CACNA2D1: variants seen among roughly 807,000 people sequenced by gnomAD.
The protein encoded by CACNA2D1 is voltage-dependent calcium channel subunit alpha-2/delta-1.
A neutral mutation model predicts 171.5 loss-of-function variants in CACNA2D1; 53 were observed. That is an observed-to-expected ratio of 0.31 (90% CI 0.25 to 0.39). CACNA2D1 has a LOEUF of 0.39. CACNA2D1 is among the 10% of genes least tolerant of loss of function. The pLI, the probability that CACNA2D1 is intolerant of heterozygous loss-of-function variation, is 1.00. For synonymous variants in CACNA2D1, 442 were observed against 443.1 expected (o/e 1.00, Z 0.03); for missense variants, 903 against 1,299.8 (o/e 0.69, Z 4.69).
chr7:82,169,962 A>G (rs1262268208), intron 4 of CACNA2D1, among the ~76,000 whole-genome samples: 1 of 151,844 alleles, frequency 6.6e-6, no homozygotes, highest in African/African-American at 2.4e-5. Context: ...AGTAACTCTT[A>G]GTTCATAAAA....
rs1410254573 is a variant in CACNA2D1, at chr7:82,215,452, A to C, written c.295-44843T>G. Reference sequence around the variant, plus strand: ...TTTCAGTAACAGTATCAGAAACATAATAGCAAGCAAGAAATCTTGTAATTT... The same window carrying C: ...TTTCAGTAACAGTATCAGAAACATACTAGCAAGCAAGAAATCTTGTAATTT... On this transcript the variant is annotated intron_variant, in intron 3 of 38. Transcript: ENST00000356860. Among the ~76,000 whole-genome samples the C allele has an allele frequency of 2.6e-5, 4 of 152,308 alleles. No individual in the cohort carries two copies. The East Asian group carries it at 7.7e-4, about 29-fold the overall frequency.
At chr7:82,108,080 A>C (rs567854518) in intron 6 of CACNA2D1, among the ~76,000 whole-genome samples, 2 of 152,188 alleles carry the variant, frequency 1.3e-5, no homozygotes, top group Non-Finnish European at 2.9e-5. Flanking sequence ...ATTCATACAG[A>C]AAGCAAAGTG....
chr7:82,202,600 G>T (rs1799566378), intron 3 of CACNA2D1, among the ~76,000 whole-genome samples: 1 of 152,154 alleles, frequency 6.6e-6, no homozygotes, highest in Non-Finnish European at 1.5e-5. Context: ...GTGCATTTTT[G>T]ACCGCGGTAC....
intron 24 of CACNA2D1, among the ~76,000 whole-genome samples, chr7:81,980,172 C>CAAAAAAA (rs35616922): frequency 0.018 from 450 of 25,296 alleles, 18 homozygotes; most frequent in East Asian, 0.05. Flanking sequence ...TAAAACCAAG[C>CAAAAAAA]AAAAAAAAAA....
At chr7:82,217,349 TA>T (rs139578464) in intron 3 of CACNA2D1, among the ~76,000 whole-genome samples, 38,100 of 122,412 alleles carry the variant, frequency 0.31, 6,121 homozygotes, top group East Asian at 0.51. Flanking sequence ...CCTGCCTTTT[TA>T]AAAAAAAAAT....
chr7:82,045,146 T>C (rs1038675389), intron 10 of CACNA2D1, among the ~76,000 whole-genome samples: 9 of 152,168 alleles, frequency 5.9e-5, no homozygotes, highest in African/African-American at 2.2e-4. Flanking sequence ...CTAGGTTATC[T>C]GTTACCAAAT....
At chr7:82,155,311 A>T (rs1469786634) in intron 4 of CACNA2D1, among the ~76,000 whole-genome samples, 1 of 152,172 alleles carries the variant, frequency 6.6e-6, no homozygotes, top group East Asian at 1.9e-4. Context: ...CACAAATATT[A>T]AAAAGATATA....
chr7:82,270,508 G>T (rs1808481551), intron 3 of CACNA2D1, among the ~76,000 whole-genome samples: 1 of 152,004 alleles, frequency 6.6e-6, no homozygotes, highest in African/African-American at 2.4e-5. Context: ...AGGACATTTG[G>T]GTTGTTTCCA....
At chr7:81,963,834 C>A (rs1001192548) in intron 34 of CACNA2D1, among the ~76,000 whole-genome samples, 2 of 151,936 alleles carry the variant, frequency 1.3e-5, no homozygotes, top group Non-Finnish European at 2.9e-5. Flanking sequence ...AAGTTTACAT[C>A]CGCATAACAT....
At chr7:82,085,329 C>T (rs534578412) in intron 6 of CACNA2D1, among the ~76,000 whole-genome samples, 22 of 152,074 alleles carry the variant, frequency 1.4e-4, no homozygotes, top group East Asian at 3.9e-4. Flanking sequence ...ATGGCCCCTG[C>T]GGGCAAAATC....
At chr7:82,267,959 T>G (rs1808120067) in intron 3 of CACNA2D1, among the ~76,000 whole-genome samples, 1 of 152,104 alleles carries the variant, frequency 6.6e-6, no homozygotes, top group Non-Finnish European at 1.5e-5. Context: ...ATCGCACCAT[T>G]GCACTCCAGC....
chr7:82,222,082 A>G (rs1801835461), intron 3 of CACNA2D1, among the ~76,000 whole-genome samples: 1 of 152,228 alleles, frequency 6.6e-6, no homozygotes, highest in East Asian at 1.9e-4. Context: ...GTTAAAAGAA[A>G]AAAATAAGCA....
At chr7:82,431,987 G>A (rs1488167122) in intron 1 of CACNA2D1, among the ~76,000 whole-genome samples, 3 of 137,068 alleles carry the variant, frequency 2.2e-5, no homozygotes, top group African/African-American at 8.8e-5. Flanking sequence ...GCAGTGAGCC[G>A]AGATCACGCC....
At chr7:82,054,266 T>C (rs1302931026) in intron 10 of CACNA2D1, among the ~76,000 whole-genome samples, 1 of 152,230 alleles carries the variant, frequency 6.6e-6, no homozygotes, top group Non-Finnish European at 1.5e-5. Flanking sequence ...CTAGATGATA[T>C]TGATGCCCTA....
intron 3 of CACNA2D1, among the ~76,000 whole-genome samples, chr7:82,306,665 T>G (rs891784674): frequency 8.5e-5 from 13 of 152,182 alleles, no homozygotes; most frequent in Non-Finnish European, 1.8e-4. Flanking sequence ...GTGAATTTTC[T>G]GGAGGATCAT....
In CACNA2D1 at chr7:82,280,879, A is replaced by G. The variant is rs78324263; in HGVS notation, c.294+54256T>C. Among the ~76,000 whole-genome samples, 833 of 152,252 alleles carry G rather than the reference A, an allele frequency of 5.5e-3. 20 individuals carry two copies. The East Asian group carries it at 0.09, about 16-fold the overall frequency. ...ATTTATTTGTCTGAGGTCAAACTGC[A>G]AGTAAATGAAGAACCAAGACACAAA... On this transcript the variant is annotated intron_variant, in intron 3 of 38. Coordinates refer to ENST00000356860, the MANE Select transcript of CACNA2D1 (RefSeq NM_000722.4).
chr7:82,012,120 T>C (rs1341260429), intron 15 of CACNA2D1, 34 bp downstream of exon 15: 5 of 1,169,104 alleles, frequency 4.3e-6, no homozygotes, highest in Middle Eastern at 1.9e-4. Context: ...GCTTTTGTTA[T>C]GACAGTCTTT....
chr7:82,351,397 A>G lies in CACNA2D1; in HGVS notation c.96-1748T>C, dbSNP rs1448400413. ...TTTAAAAGAATGATGAGCTGATAAG[A>G]GAAAGAAAAAAATGGAAAGCCAGTT... On this transcript the variant is annotated intron_variant, in intron 1 of 38. Coordinates refer to ENST00000356860, the MANE Select transcript of CACNA2D1 (RefSeq NM_000722.4). Among the ~76,000 whole-genome samples the G allele has an allele frequency of 3.9e-5, 6 of 151,956 alleles. No homozygotes were observed. In the East Asian group the frequency reaches 1.2e-3, roughly 29 times the overall value.
chr7:81,959,866 C>CT lies in CACNA2D1; in HGVS notation c.2967-38dup, dbSNP rs774505963. On this transcript the variant is annotated intron_variant, in intron 36 of 38. Coordinates refer to ENST00000356860, the MANE Select transcript of CACNA2D1 (RefSeq NM_000722.4). ...ATATGGTATCATAGAAAATGAGTAT[C>CT]TTTTCCAAAATAAATGGAAATCTTT... 1.2e-4 allele frequency: 186 copies of CT among 1,597,556 alleles called. 1 individual carries two copies. The African/African-American group carries it at 2.2e-3, about 19-fold the overall frequency.
Sources: gnomAD v4.1 joint callset for allele counts (sites outside exome capture counted in the v4.1 genomes callset) on GRCh38, gnomAD v4.1.1 for gene constraint, MANE v1.5 for transcripts, NCBI Gene and HGNC (gene_info 2026-07-23, HGNC 2026-07-21) for gene names.